Variants in RAB3GAP2 observed in about 807,000 individuals in gnomAD.
RAB3GAP2 encodes rab3 GTPase-activating protein non-catalytic subunit.
In RAB3GAP2, 87 loss-of-function variants were observed where a neutral mutation model predicts 185.3. That is an observed-to-expected ratio of 0.47 (90% CI 0.39 to 0.56). RAB3GAP2 has a LOEUF of 0.56. Ranked by LOEUF, RAB3GAP2 falls within the 20% of genes least tolerant of loss-of-function variation. RAB3GAP2 has a pLI of 0.00. For synonymous variants in RAB3GAP2, 554 were observed against 576.1 expected, an observed-to-expected ratio of 0.96 and a Z score of 0.55; for missense variants, 1,492 against 1,638.2, an observed-to-expected ratio of 0.91 and a Z score of 1.54.
intron 8 of RAB3GAP2, among the ~76,000 whole-genome samples, chr1:220,202,676 C>T (rs1658884931): frequency 6.6e-6 from 1 of 152,186 alleles, no homozygotes. Context: ...GGCATGGTGG[C>T]TCATGCCTGT....
chr1:220,183,956 T>C, intron 19 of RAB3GAP2, 80 bp downstream of exon 19: 1 of 1,228,552 alleles, frequency 8.1e-7, no homozygotes, highest in Non-Finnish European at 1.1e-6. Context: ...CTTAATTTTC[T>C]ACTTCTTTAC....
chr1:220,259,465 A>C (rs1660094010), intron 1 of RAB3GAP2, among the ~76,000 whole-genome samples: 1 of 152,158 alleles, frequency 6.6e-6, no homozygotes, highest in African/African-American at 2.4e-5. Flanking sequence ...AATTTGACAA[A>C]AACAAGTAAT....
chr1:220,171,853 T>C, intron 23 of RAB3GAP2, 36 bp downstream of exon 23: 1 of 1,613,674 alleles, frequency 6.2e-7, no homozygotes, highest in Non-Finnish European at 8.5e-7. Context: ...GCCTACTGGA[T>C]GTGTACAGAT....
At chr1:220,210,914 A>T (rs1270056075) in intron 5 of RAB3GAP2, 38 bp from the exon 6 acceptor site, 2 of 1,613,880 alleles carry the variant, frequency 1.2e-6, no homozygotes, top group Admixed American at 3.3e-5. Flanking sequence ...ACAACTCATA[A>T]ATCAAAGCAA....
At chr1:220,264,996 A>G (rs1660204545) in intron 1 of RAB3GAP2, among the ~76,000 whole-genome samples, 1 of 152,150 alleles carries the variant, frequency 6.6e-6, no homozygotes. Flanking sequence ...TACCTGAATG[A>G]AGAAACTGAA....
At chr1:220,200,042 C>A (rs370715528) in intron 9 of RAB3GAP2, among the ~76,000 whole-genome samples, 1 of 152,194 alleles carries the variant, frequency 6.6e-6, no homozygotes, top group East Asian at 1.9e-4. Flanking sequence ...CTTATCCCTA[C>A]GTGATCTAAC....
rs369349194 is a variant in RAB3GAP2, at chr1:220,219,241, CCTT to C, written c.181-5265_181-5263del. ...GCTTGTCTGTACAGATCAACAATCT[CCTT>C]CTTACACATGTCATAATCCTCTTGA... On this transcript the variant is annotated intron_variant, in intron 2 of 34. Coordinates refer to ENST00000358951, the MANE Select transcript of RAB3GAP2 (RefSeq NM_012414.4). Among the ~76,000 whole-genome samples the C allele has an allele frequency of 1.5e-3, 231 of 152,288 alleles. 2 individuals carry two copies. The highest frequency in any genetic ancestry group is 5.5e-3 in the African/African-American group (227 of 41,566).
chr1:220,157,969 CAG>C, intron 29 of RAB3GAP2, 93 bp from the exon 30 acceptor site: 3 of 954,086 alleles, frequency 3.1e-6, no homozygotes, highest in Non-Finnish European at 5.0e-6. Context: ...TACACTGGTT[CAG>C]CTGACTTTCC....
At chr1:220,153,918 A>G (rs1302719538) in intron 32 of RAB3GAP2, 50 bp downstream of exon 32, 1 of 1,605,662 alleles carries the variant, frequency 6.2e-7, no homozygotes, top group East Asian at 2.2e-5. Context: ...TTTTTCCCTT[A>G]TGTTTTTTTT....
At chr1:220,157,732 T>C in intron 30 of RAB3GAP2, 70 bp downstream of exon 30, 1 of 1,356,826 alleles carries the variant, frequency 7.4e-7, no homozygotes, top group Non-Finnish European at 1.0e-6. Context: ...AGTCATTTAT[T>C]AAATGCAATG....
In RAB3GAP2 at chr1:220,154,913, G is replaced by T. The variant is rs1002208431; in HGVS notation, c.3556-856C>A. 1.3e-5 allele frequency among the ~76,000 whole-genome samples: 2 copies of T among 151,904 alleles called. 1 individual carries two copies. Among genetic ancestry groups the T allele is most frequent in the South Asian group, 4.2e-4 (2 of 4,800 alleles). Reference sequence around the variant, plus strand: ...ATTTTTTTGTATTTTTAGTAGAGACGGGGTTTTCACCATATTGGCCAGGCA... The same window carrying T: ...ATTTTTTTGTATTTTTAGTAGAGACTGGGTTTTCACCATATTGGCCAGGCA... On this transcript the variant is annotated intron_variant, in intron 31 of 34. Coordinates refer to ENST00000358951, the MANE Select transcript of RAB3GAP2 (RefSeq NM_012414.4).
intron 9 of RAB3GAP2, among the ~76,000 whole-genome samples, chr1:220,199,647 T>C (rs968683781): frequency 1.6e-4 from 25 of 152,182 alleles, no homozygotes; most frequent in African/African-American, 6.0e-4. Context: ...GAAGTTAACC[T>C]GTAAAAACGT....
At chr1:220,153,567 G>C (rs1657801946) in intron 32 of RAB3GAP2, 161 bp from the exon 33 acceptor site, 2 of 547,992 alleles carry the variant, frequency 3.6e-6, no homozygotes, top group South Asian at 6.7e-5. Flanking sequence ...TAGCTCTCAA[G>C]AATACTTTGA....
In RAB3GAP2 at chr1:220,171,960, C is replaced by G; in HGVS notation, c.2506G>C (p.Ala836Pro). The G allele has an allele frequency of 6.2e-7, 1 of 1,614,214 alleles. No individual in the cohort carries two copies. The highest frequency in any genetic ancestry group is 8.5e-7 in the Non-Finnish European group (1 of 1,180,036). Residue 836 changes from alanine to proline, a missense_variant, in exon 23 of 35, where the codon GCC becomes CCC. Physicochemically the swap from Ala to Pro is conservative, Grantham distance 27 (BLOSUM62 -1). Around this residue, in one of 5 missense-constraint regions of RAB3GAP2, gnomAD observed 681 missense variants for 689.1 expected, o/e 0.99. Coordinates refer to ENST00000358951, the MANE Select transcript of RAB3GAP2 (RefSeq NM_012414.4). Reference protein sequence around the residue: ...TACIQSENNGAALLSAHVGHS... With the variant: ...TACIQSENNGPALLSAHVGHS... Reference sequence around the variant, plus strand: ...CCAACATGCGCAGACAACAGAGCGGCTCCATTGTTCTCAGACTGAATACAG... The same window carrying G: ...CCAACATGCGCAGACAACAGAGCGGGTCCATTGTTCTCAGACTGAATACAG...
At chr1:220,155,361 G>C (rs1356569838) in intron 31 of RAB3GAP2, among the ~76,000 whole-genome samples, 1 of 152,172 alleles carries the variant, frequency 6.6e-6, no homozygotes, top group African/African-American at 2.4e-5. Flanking sequence ...TGACTGCCAA[G>C]TAGATTAAAG....
chr1:220,189,591 G>T, intron 17 of RAB3GAP2, 112 bp downstream of exon 17: 1 of 1,050,432 alleles, frequency 9.5e-7, no homozygotes, highest in Non-Finnish European at 1.3e-6. Flanking sequence ...ATAAAAATGT[G>T]AAAAGAAGAC....
intron 21 of RAB3GAP2, among the ~76,000 whole-genome samples, chr1:220,175,867 T>C (rs953732700): frequency 6.6e-6 from 1 of 152,226 alleles, no homozygotes; most frequent in South Asian, 2.1e-4. Context: ...AGTGTGTTTT[T>C]CCTGTTTTCT....
At chr1:220,232,749 A>C in intron 2 of RAB3GAP2, 50 bp downstream of exon 2, 1 of 1,465,648 alleles carries the variant, frequency 6.8e-7, no homozygotes. Flanking sequence ...CATCATTACA[A>C]AAGGAAAATG....
At chr1:220,209,501 A>C (rs1032624740) in intron 7 of RAB3GAP2, among the ~76,000 whole-genome samples, 1 of 152,094 alleles carries the variant, frequency 6.6e-6, no homozygotes, top group Non-Finnish European at 1.5e-5. Flanking sequence ...TCCAAATTGA[A>C]CTCCTCTTTC....
Sources: allele counts gnomAD v4.1 joint callset (sites outside exome capture counted in the v4.1 genomes callset), GRCh38; gene constraint gnomAD v4.1.1; regional missense constraint gnomAD v4.1.1; transcripts MANE v1.5; gene names NCBI Gene and HGNC (gene_info 2026-07-23, HGNC 2026-07-21).